NAALADL2: variants seen among roughly 807,000 people sequenced by gnomAD.
NAALADL2 encodes the protein inactive N-acetylated-alpha-linked acidic dipeptidase-like protein 2.
NAALADL2 carries 76 observed loss-of-function variants against 87.2 expected under a neutral mutation model. The ratio of observed to expected loss-of-function variants is 0.87; its 90% CI spans 0.72 to 1.05. NAALADL2 has a LOEUF of 1.05. Ranked by LOEUF, NAALADL2 falls within the 50% of genes least tolerant of loss-of-function variation. The pLI is 0.00. For missense variants in NAALADL2, 1,089 were observed against 945.8 expected, an observed-to-expected ratio of 1.15 and a Z score of -1.99; for synonymous variants, 354 against 331.0, an observed-to-expected ratio of 1.07 and a Z score of -0.75.
intron 5 of NAALADL2, among the ~76,000 whole-genome samples, chr3:175,402,551 TATA>T (rs1711515921): frequency 6.6e-6 from 1 of 152,150 alleles, no homozygotes; most frequent in South Asian, 2.1e-4. Context: ...TCTATTTTAA[TATA>T]ATCTATAATT....
chr3:175,683,397 T>C (rs1401865944), intron 11 of NAALADL2, among the ~76,000 whole-genome samples: 1 of 151,994 alleles, frequency 6.6e-6, no homozygotes, highest in Non-Finnish European at 1.5e-5. Flanking sequence ...ATAGTCATGT[T>C]CTTGGTTCTT....
chr3:175,283,903 C>T (rs1164953586), intron 4 of NAALADL2, among the ~76,000 whole-genome samples: 1 of 151,980 alleles, frequency 6.6e-6, no homozygotes, highest in Admixed American at 6.6e-5. Context: ...GCCTCAGATT[C>T]ACTATGTCTC....
chr3:174,606,750 G>T (rs1358691565), intron 2 of NAALADL2, among the ~76,000 whole-genome samples: 3 of 152,272 alleles, frequency 2.0e-5, no homozygotes, highest in East Asian at 3.9e-4. Context: ...CCCTCTGCAG[G>T]ATATTATCCA....
Position 175,060,492 on chromosome 3 carries a change from A to T in NAALADL2, c.44-36298A>T, listed in dbSNP as rs150309832. Among the ~76,000 whole-genome samples the T allele has an allele frequency of 2.6e-5, 4 of 152,196 alleles. No individual in the cohort carries two copies. In the South Asian group the frequency reaches 8.3e-4, roughly 31 times the overall value. ...ATAGGCATTGTTTTAAATATTTTCA[A>T]TTAATGCTTTTGCTCTGGATAGTTC... is the stretch of plus-strand genomic sequence containing the variant. On this transcript the variant is annotated intron_variant, in intron 1 of 13. Coordinates refer to ENST00000454872, the MANE Select transcript of NAALADL2 (RefSeq NM_207015.3).
At chr3:174,543,694 T>C (rs994424932) in intron 1 of NAALADL2, among the ~76,000 whole-genome samples, 2 of 152,108 alleles carry the variant, frequency 1.3e-5, no homozygotes, top group African/African-American at 4.8e-5. Flanking sequence ...ATGGAAGTAT[T>C]ATGTAAGCAT....
chr3:174,921,419 A>G (rs950097057), intron 1 of NAALADL2, among the ~76,000 whole-genome samples: 3 of 152,182 alleles, frequency 2.0e-5, no homozygotes, highest in Admixed American at 2.0e-4. Flanking sequence ...TACTTCTAAA[A>G]GCATTTAAAG....
At chr3:174,613,052 C>T (rs143110596) in intron 2 of NAALADL2, among the ~76,000 whole-genome samples, 2 of 152,200 alleles carry the variant, frequency 1.3e-5, no homozygotes, top group Non-Finnish European at 2.9e-5. Flanking sequence ...TACAGATATA[C>T]CTTGATGGTC....
chr3:175,787,832 A>G (rs1321993149), intron 13 of NAALADL2, among the ~76,000 whole-genome samples: 1 of 152,204 alleles, frequency 6.6e-6, no homozygotes, highest in Admixed American at 6.5e-5. Flanking sequence ...CAAGAGTCCA[A>G]AAGTTTTAAA....
chr3:174,609,436 T>G (rs1719540392), intron 2 of NAALADL2, among the ~76,000 whole-genome samples: 1 of 152,008 alleles, frequency 6.6e-6, no homozygotes, highest in Non-Finnish European at 1.5e-5. Flanking sequence ...GCCCAAAATC[T>G]CCTTAAGCTG....
Position 175,291,866 on chromosome 3 carries a change from A to G in NAALADL2, c.940-32309A>G, listed in dbSNP as rs896025309. Among the ~76,000 whole-genome samples, 3 of 152,356 alleles carry G rather than the reference A, an allele frequency of 2.0e-5. No homozygotes were observed. In the East Asian group the frequency reaches 5.8e-4, roughly 29 times the overall value. On this transcript the variant is annotated intron_variant, in intron 4 of 13. Transcript: ENST00000454872. ...AGTATAGTAAGTATGCCTTGAGTGAATAAGAGGCTGAGGATAATTATTATT... is the reference window on the plus strand; with the variant it reads ...AGTATAGTAAGTATGCCTTGAGTGAGTAAGAGGCTGAGGATAATTATTATT...
chr3:175,096,904 A>G lies in NAALADL2; in HGVS notation c.158A>G (p.Glu53Gly). 6.2e-7 allele frequency: 1 copy of G among 1,613,458 alleles called. No individual in the cohort carries two copies. The highest frequency in any genetic ancestry group is 8.5e-7 in the Non-Finnish European group (1 of 1,179,638). ...ATALDLEWDM[E>G]KELEESGFDQ... ...GCCCTTGACTTAGAGTGGGACATGG[A>G]GAAGGAACTAGAGGAGTCTGGTTTT... The change falls in exon 2 of 14, where the codon GAG becomes GGG. Residue 53 changes from glutamate to glycine, a missense_variant. Transcript: ENST00000454872.
intron 11 of NAALADL2, among the ~76,000 whole-genome samples, chr3:175,628,958 A>G (rs1440073751): frequency 6.6e-6 from 1 of 150,652 alleles, no homozygotes; most frequent in Non-Finnish European, 1.5e-5. Context: ...TACATTTATT[A>G]TGTTTGGCAA....
At chr3:175,307,466 G>T (rs1254984309) in intron 4 of NAALADL2, among the ~76,000 whole-genome samples, 1 of 152,118 alleles carries the variant, frequency 6.6e-6, no homozygotes, top group Non-Finnish European at 1.5e-5. Flanking sequence ...GAATATTCTT[G>T]TACCCTTGAA....
At chr3:174,957,061 T>C (rs1277937408) in intron 1 of NAALADL2, among the ~76,000 whole-genome samples, 1 of 151,948 alleles carries the variant, frequency 6.6e-6, no homozygotes, top group African/African-American at 2.4e-5. Context: ...TTATGGTACA[T>C]ACAAGCTACA....
chr3:175,698,473 G>GTATATATTTA (rs1315132432), intron 11 of NAALADL2, among the ~76,000 whole-genome samples: 1 of 82,092 alleles, frequency 1.2e-5, no homozygotes, highest in African/African-American at 9.4e-5. Context: ...ATATATGTGT[G>GTATATATTTA]TATATATATT....
chr3:175,792,202 AGCTAAGAAAAAGTAC>A (rs1752877994), intron 13 of NAALADL2, among the ~76,000 whole-genome samples: 1 of 152,222 alleles, frequency 6.6e-6, no homozygotes, highest in African/African-American at 2.4e-5. Flanking sequence ...AAATTTACTC[AGCTAAGAAAAAGTAC>A]CAAAGTGCTC....
intron 1 of NAALADL2, among the ~76,000 whole-genome samples, chr3:174,869,929 G>A (rs966050520): frequency 6.7e-5 from 10 of 150,104 alleles, no homozygotes; most frequent in African/African-American, 2.5e-4. Context: ...CTGGGAGGCG[G>A]AGGTTCCAGT....
chr3:175,298,860 T>C (rs1756686331), intron 4 of NAALADL2, among the ~76,000 whole-genome samples: 1 of 152,166 alleles, frequency 6.6e-6, no homozygotes, highest in Admixed American at 6.5e-5. Context: ...GTGCAAATTG[T>C]TGTTTATTTT....
chr3:174,870,149 G>A (rs1370683837), intron 1 of NAALADL2, among the ~76,000 whole-genome samples: 1 of 151,976 alleles, frequency 6.6e-6, no homozygotes, highest in Admixed American at 6.6e-5. Flanking sequence ...TGCATTTTAG[G>A]TAGAGATTGT....
Sources: gnomAD v4.1 joint callset for allele counts (sites outside exome capture counted in the v4.1 genomes callset) on GRCh38, gnomAD v4.1.1 for gene constraint, MANE v1.5 for transcripts, NCBI Gene and HGNC (gene_info 2026-07-23, HGNC 2026-07-21) for gene names.